Variants in CPED1 observed in about 807,000 individuals in gnomAD.
CPED1 encodes cadherin-like and PC-esterase domain-containing protein 1.
A neutral mutation model predicts 128.2 loss-of-function variants in CPED1; 114 were observed. That is an observed-to-expected ratio of 0.89 (90% CI 0.76 to 1.04). CPED1 has a LOEUF of 1.04. Among genes scored for constraint, CPED1 ranks in the 50% least tolerant of loss-of-function variants. The pLI is 0.00. For missense variants in CPED1, 1,211 were observed against 1,207.1 expected, an observed-to-expected ratio of 1.00 and a Z score of -0.05; for synonymous variants, 462 against 426.7, an observed-to-expected ratio of 1.08 and a Z score of -1.02.
chr7:121,133,792 A>T (rs1563039619), intron 12 of CPED1, 31 bp from the exon 13 acceptor site: 1 of 1,462,736 alleles, frequency 6.8e-7, no homozygotes, highest in Non-Finnish European at 9.4e-7. Context: ...TCATTTCATT[A>T]ATCCAGAGTT....
intron 5 of CPED1, among the ~76,000 whole-genome samples, chr7:121,092,872 C>T (rs2116193504): frequency 6.6e-6 from 1 of 152,236 alleles, no homozygotes; most frequent in East Asian, 1.9e-4. Context: ...CTCCATTAGG[C>T]CATTTATAGC....
chr7:121,097,875 G>T, intron 6 of CPED1, 44 bp downstream of exon 6: 1 of 1,604,512 alleles, frequency 6.2e-7, no homozygotes, highest in South Asian at 1.1e-5. Context: ...ATGCATTGTA[G>T]GAGACAGCTA....
intron 16 of CPED1, among the ~76,000 whole-genome samples, chr7:121,167,898 A>C (rs944462391): frequency 1.9e-4 from 28 of 151,252 alleles, no homozygotes; most frequent in African/African-American, 6.8e-4. Context: ...TGCCCGGCTA[A>C]TTTTTTTTGT....
rs969821565 is a variant in CPED1, at chr7:121,032,544, C to T, written c.434-14343C>T. 1.3e-3 allele frequency among the ~76,000 whole-genome samples: 3 copies of T among 2,294 alleles called. No individual in the cohort carries two copies. The East Asian group carries it at 0.029, about 22-fold the overall frequency. 1.5% of individuals were successfully genotyped at this position (2,294 alleles called of 152,430 possible). A position where few individuals can be genotyped will look rare whatever the true frequency, so the allele number is the denominator to read the frequency against. On this transcript the variant is annotated intron_variant, in intron 3 of 22. Transcript: ENST00000310396. ...CCGCGGGGGGGGCCTGTCAGGGTGT[C>T]GGGGTGGTGGGGTGGGGAAGGGGAG... is the stretch of plus-strand genomic sequence containing the variant.
intron 5 of CPED1, 118 bp downstream of exon 5, chr7:121,064,431 A>C: frequency 1.5e-6 from 1 of 688,546 alleles, no homozygotes; most frequent in Non-Finnish European, 2.6e-6. Context: ...TCAATTCGGC[A>C]ATCACAGATC....
chr7:121,098,813 TA>T (rs1563024942), intron 6 of CPED1, among the ~76,000 whole-genome samples: 1 of 140,968 alleles, frequency 7.1e-6, no homozygotes, highest in African/African-American at 2.7e-5. Context: ...AATATATAAA[TA>T]ATATATATAT....
intron 5 of CPED1, among the ~76,000 whole-genome samples, chr7:121,090,859 G>C (rs983305189): frequency 2.6e-5 from 4 of 151,966 alleles, no homozygotes; most frequent in Admixed American, 2.0e-4. Flanking sequence ...TGAGACACAA[G>C]AATCGCTTGA....
intron 3 of CPED1, among the ~76,000 whole-genome samples, chr7:121,030,849 G>C (rs1792710159): frequency 6.6e-6 from 1 of 152,150 alleles, no homozygotes; most frequent in Non-Finnish European, 1.5e-5. Flanking sequence ...AGATAAGGGG[G>C]ACTACTATAT....
intron 5 of CPED1, among the ~76,000 whole-genome samples, chr7:121,086,676 A>G (rs1049720158): frequency 5.3e-5 from 8 of 152,234 alleles, no homozygotes; most frequent in Non-Finnish European, 1.0e-4. Flanking sequence ...AATGCTGAGT[A>G]AATGCCAACA....
At chr7:121,079,524 T>C (rs1263590545) in intron 5 of CPED1, among the ~76,000 whole-genome samples, 3 of 152,216 alleles carry the variant, frequency 2.0e-5, no homozygotes, top group Admixed American at 6.5e-5. Flanking sequence ...TTCTGTGCCA[T>C]GCTTGGTTCT....
chr7:121,141,027 A>T lies in CPED1; in HGVS notation c.1886+14A>T. The T allele has an allele frequency of 6.3e-7, 1 of 1,598,996 alleles. No homozygotes were observed. The highest frequency in any genetic ancestry group is 8.5e-7 in the Non-Finnish European group (1 of 1,174,660). On this transcript the variant is annotated intron_variant, in intron 15 of 22. Coordinates refer to ENST00000310396, the MANE Select transcript of CPED1 (RefSeq NM_024913.5). Reference sequence around the variant, plus strand: ...GGCAGGGCCAAGGTATGAGATGTTGACTGGGGCTGTGTTGAGACACTATAC... The same window carrying T: ...GGCAGGGCCAAGGTATGAGATGTTGTCTGGGGCTGTGTTGAGACACTATAC...
At chr7:121,015,003 A>G (rs1792262664) in intron 2 of CPED1, among the ~76,000 whole-genome samples, 1 of 152,208 alleles carries the variant, frequency 6.6e-6, no homozygotes, top group African/African-American at 2.4e-5. Context: ...TTAGAATTTC[A>G]ATTTCCATTG....
At chr7:120,991,310 T>C (rs903080579) in intron 2 of CPED1, among the ~76,000 whole-genome samples, 1 of 152,208 alleles carries the variant, frequency 6.6e-6, no homozygotes, top group South Asian at 2.1e-4. Flanking sequence ...AAATTGTACA[T>C]CTATTTTTAG....
chr7:121,255,911 A>G (rs916637967), intron 18 of CPED1, among the ~76,000 whole-genome samples: 1 of 151,934 alleles, frequency 6.6e-6, no homozygotes, highest in African/African-American at 2.4e-5. Flanking sequence ...ATCAGAGATG[A>G]CATAAATAAA....
chr7:121,115,999 T>C (rs1011554754), intron 7 of CPED1, among the ~76,000 whole-genome samples: 3 of 152,134 alleles, frequency 2.0e-5, no homozygotes, highest in African/African-American at 7.2e-5. Context: ...TCTAAGAAGG[T>C]TGAATATAAT....
intron 16 of CPED1, among the ~76,000 whole-genome samples, chr7:121,142,524 A>C (rs748150738): frequency 2.6e-5 from 4 of 152,030 alleles, no homozygotes; most frequent in Non-Finnish European, 5.9e-5. Context: ...TTTACTTTGA[A>C]GAATAAGAGG....
chr7:121,070,380 C>T (rs1291778983), intron 5 of CPED1, among the ~76,000 whole-genome samples: 1 of 151,848 alleles, frequency 6.6e-6, no homozygotes, highest in African/African-American at 2.4e-5. Context: ...ATTCTGTGGG[C>T]TCCTTAATGC....
intron 16 of CPED1, among the ~76,000 whole-genome samples, chr7:121,214,510 T>C (rs1584603221): frequency 6.6e-6 from 1 of 151,996 alleles, no homozygotes; most frequent in African/African-American, 2.4e-5. Flanking sequence ...GCTAGACTGG[T>C]CTCGAACTCC....
rs1563024757 is a variant in CPED1 at position 121,098,745 on chromosome 7, A to ATATATAT, written c.749+914_749+915insTATATAT. ...ACCTTGTCTCAAATATATATATATA[A>ATATATAT]AAATATATAAAAATATATATAAATA... On this transcript the variant is annotated intron_variant, in intron 6 of 22. Coordinates refer to ENST00000310396, the MANE Select transcript of CPED1 (RefSeq NM_024913.5). Among the ~76,000 whole-genome samples, 74 of 33,968 alleles carry ATATATAT rather than the reference A, an allele frequency of 2.2e-3. 1 individual carries two copies. Among genetic ancestry groups the ATATATAT allele is most frequent in the South Asian group, 3.3e-3 (2 of 602 alleles). 22.3% of individuals were successfully genotyped at this position (33,968 alleles called of 152,430 possible). A position where few individuals can be genotyped will look rare whatever the true frequency, so the allele number is the denominator to read the frequency against.
Sources: gnomAD v4.1 joint callset for allele counts (sites outside exome capture counted in the v4.1 genomes callset) on GRCh38, gnomAD v4.1.1 for gene constraint, MANE v1.5 for transcripts, NCBI Gene and HGNC (gene_info 2026-07-23, HGNC 2026-07-21) for gene names.